Variants in ROR1 observed in about 807,000 individuals in gnomAD.
ROR1 encodes ROR family WNT receptor 1.
In ROR1, 19 loss-of-function variants were observed where a neutral mutation model predicts 78.8. The observed-to-expected ratio is 0.24, with a 90% CI of 0.17 to 0.35. The LOEUF (loss-of-function observed/expected upper bound fraction) is 0.35, where lower values mean the gene tolerates loss of function less well. ROR1 is among the 10% of genes least tolerant of loss of function. The probability of loss-of-function intolerance (pLI) is 1.00; values close to 1 mark genes in which losing one functional copy is unlikely to be tolerated. For synonymous variants in ROR1, 386 were observed against 433.6 expected (o/e 0.89, Z 1.36); for missense variants, 917 against 1,177.8 (o/e 0.78, Z 3.24).
intron 1 of ROR1, among the ~76,000 whole-genome samples, chr1:63,794,925 G>A (rs1308401248): frequency 4.6e-5 from 7 of 152,198 alleles, no homozygotes; most frequent in Admixed American, 2.0e-4. Context: ...TTTGGGGTGG[G>A]TGGAGAGACA....
intron 1 of ROR1, among the ~76,000 whole-genome samples, chr1:63,901,934 G>C (rs944540897): frequency 1.9e-4 from 29 of 150,360 alleles, no homozygotes; most frequent in African/African-American, 6.3e-4. Flanking sequence ...TATGGATAAA[G>C]AGTAAACAAA....
At chr1:63,824,755 C>A (rs973749108) in intron 1 of ROR1, among the ~76,000 whole-genome samples, 2 of 152,076 alleles carry the variant, frequency 1.3e-5, no homozygotes, top group African/African-American at 4.8e-5. Context: ...TATATATTTA[C>A]TCATAAAAAT....
At chr1:64,050,843 C>A (rs968943690) in intron 4 of ROR1, 127 bp downstream of exon 4, 4 of 894,154 alleles carry the variant, frequency 4.5e-6, no homozygotes, top group Non-Finnish European at 5.6e-6. Context: ...TTTTGCCCTG[C>A]CCTCATTCCA....
rs1250876232 is a variant in ROR1, at chr1:63,809,443, G to A, written c.91+34935G>A. Among the ~76,000 whole-genome samples, 3 of 152,282 alleles carry A rather than the reference G, an allele frequency of 2.0e-5. No homozygotes were observed. In the East Asian group the frequency reaches 5.8e-4, roughly 29 times the overall value. ...TTCTAAAGAGATTCTAAAACAGTGG[G>A]TCTGAAATATATAGTCTGCTTCCAA... On this transcript the variant is annotated intron_variant, in intron 1 of 8. Coordinates refer to ENST00000371079, the MANE Select transcript of ROR1 (RefSeq NM_005012.4).
At chr1:64,134,882 G>A (rs1227250557) in intron 4 of ROR1, among the ~76,000 whole-genome samples, 1 of 151,510 alleles carries the variant, frequency 6.6e-6, no homozygotes, top group African/African-American at 2.4e-5. Flanking sequence ...CTGACTAGCT[G>A]GGATTACAGG....
intron 1 of ROR1, among the ~76,000 whole-genome samples, chr1:63,944,335 G>GA (rs1235650096): frequency 4.6e-5 from 7 of 151,966 alleles, no homozygotes; most frequent in Non-Finnish European, 1.0e-4. Flanking sequence ...AAAGGAAGAA[G>GA]AAAAAAAAGA....
At chr1:63,901,122 C>T (rs574217078) in intron 1 of ROR1, among the ~76,000 whole-genome samples, 16 of 152,236 alleles carry the variant, frequency 1.1e-4, no homozygotes, top group Non-Finnish European at 1.6e-4. Flanking sequence ...TGGCCTGGCC[C>T]GCTGTAAGCT....
At chr1:63,841,769 G>A (rs1231307884) in intron 1 of ROR1, among the ~76,000 whole-genome samples, 2 of 152,186 alleles carry the variant, frequency 1.3e-5, no homozygotes, top group African/African-American at 4.8e-5. Flanking sequence ...CTCTGCAGGG[G>A]ACTAAGGGTT....
rs375334834 is a variant in ROR1 at position 63,925,840 on chromosome 1, C to T, written c.92-83465C>T. 6.6e-5 allele frequency among the ~76,000 whole-genome samples: 10 copies of T among 151,604 alleles called. No homozygotes were observed. In the East Asian group the frequency reaches 7.8e-4, roughly 12 times the overall value. On this transcript the variant is annotated intron_variant, in intron 1 of 8. Transcript: ENST00000371079. ...TTGAGAAGTGTCTGTTCATGTCCAT[C>T]GCCCACTTTTTGATGGGGTTGTTTG...
At position 64,137,679 on chromosome 1, in the gene ROR1, G is replaced by T. The variant is rs554664820; in HGVS notation, c.610+183G>T. Among the ~76,000 whole-genome samples the T allele has an allele frequency of 1.4e-4, 22 of 152,270 alleles. No homozygotes were observed. The South Asian group carries it at 4.4e-3, about 30-fold the overall frequency. ...TTTACATTAAAGTAATTTATTGAAG[G>T]TTGCTCTTAGAGGAAAAGGAAGCTT... On this transcript the variant is annotated intron_variant, in intron 5 of 8. Transcript: ENST00000371079.
At chr1:63,844,043 G>A (rs575856592) in intron 1 of ROR1, among the ~76,000 whole-genome samples, 50 of 152,270 alleles carry the variant, frequency 3.3e-4, no homozygotes, top group African/African-American at 1.1e-3. Flanking sequence ...CCTTAGGGGG[G>A]CAGCATATCA....
chr1:64,143,374 A>AG (rs1186368480), intron 7 of ROR1: 45 of 981,420 alleles, frequency 4.6e-5, no homozygotes, highest in Non-Finnish European at 5.3e-5. Context: ...AAAGAAAAAA[A>AG]AAAAAAGAAA....
chr1:64,051,464 AAAT>A (rs200166649), intron 4 of ROR1, among the ~76,000 whole-genome samples: 89,342 of 144,974 alleles, frequency 0.62, 31,272 homozygotes, highest in East Asian at 0.8. Context: ...ATAAAAAATA[AAAT>A]AAAATAAAAT....
chr1:63,811,744 C>A (rs1247339458), intron 1 of ROR1, among the ~76,000 whole-genome samples: 1 of 152,056 alleles, frequency 6.6e-6, no homozygotes, highest in African/African-American at 2.4e-5. Context: ...CTCAGTGTTT[C>A]TTATGACATT....
intron 1 of ROR1, among the ~76,000 whole-genome samples, chr1:63,840,053 G>A (rs138664105): frequency 1.3e-5 from 2 of 152,248 alleles, no homozygotes; most frequent in Non-Finnish European, 2.9e-5. Context: ...TAGGAAATGA[G>A]AGTTGGTAAA....
At chr1:63,905,598 A>G (rs937637339) in intron 1 of ROR1, among the ~76,000 whole-genome samples, 3 of 152,216 alleles carry the variant, frequency 2.0e-5, no homozygotes, top group African/African-American at 7.2e-5. Context: ...TGAAAACACT[A>G]GTTAAGTTGA....
chr1:64,030,199 A>G (rs918776715), intron 2 of ROR1, among the ~76,000 whole-genome samples: 34 of 152,268 alleles, frequency 2.2e-4, no homozygotes, highest in African/African-American at 7.7e-4. Flanking sequence ...AGAATGATGG[A>G]GGCAATTGGG....
At chr1:63,880,156 C>T (rs1265525203) in intron 1 of ROR1, among the ~76,000 whole-genome samples, 1 of 152,096 alleles carries the variant, frequency 6.6e-6, no homozygotes, top group Non-Finnish European at 1.5e-5. Flanking sequence ...AAGAGCTCTT[C>T]TAAGAATTAA....
intron 4 of ROR1, among the ~76,000 whole-genome samples, chr1:64,086,033 A>G (rs767446277): frequency 6.6e-6 from 1 of 152,220 alleles, no homozygotes; most frequent in Non-Finnish European, 1.5e-5. Flanking sequence ...GTTAAGGGAC[A>G]TATGGGTGAA....
Sources: gnomAD v4.1 joint callset for allele counts (sites outside exome capture counted in the v4.1 genomes callset) on GRCh38, gnomAD v4.1.1 for gene constraint, MANE v1.5 for transcripts, NCBI Gene and HGNC (gene_info 2026-07-23, HGNC 2026-07-21) for gene names.